The following KICS2 variants were observed in gnomAD, a reference collection of about 807,000 sequenced individuals.
KICS2 encodes the protein KICSTOR subunit 2.
A neutral mutation model predicts 31.4 loss-of-function variants in KICS2; 13 were observed. The observed-to-expected ratio is 0.41, with a 90% CI of 0.27 to 0.66. The LOEUF is 0.66. KICS2 is among the 30% of genes least tolerant of loss of function. The pLI is 0.28. For synonymous variants in KICS2, 209 were observed against 214.8 expected, an observed-to-expected ratio of 0.97 and a Z score of 0.24; for missense variants, 455 against 545.4, an observed-to-expected ratio of 0.83 and a Z score of 1.65.
At chr12:64,202,054 C>G (rs543482115) in intron 2 of KICS2, among the ~76,000 whole-genome samples, 1 of 152,186 alleles carries the variant, frequency 6.6e-6, no homozygotes, top group East Asian at 1.9e-4. Context: ...AATTATACTA[C>G]AAGGAGTACA....
At position 64,193,640 on chromosome 12, in the gene KICS2, A is replaced by T; in HGVS notation, c.*202T>A. On this transcript the variant is annotated 3_prime_UTR_variant, in exon 3 of 3. Transcript: ENST00000398055. ...CCATGGAGACACATGGTAGCCCATGACCACTTCCTAGATTACTCTTTGGAA... is the reference window on the plus strand; with the variant it reads ...CCATGGAGACACATGGTAGCCCATGTCCACTTCCTAGATTACTCTTTGGAA... The T allele has an allele frequency of 1.4e-6, 2 of 1,402,806 alleles. No individual in the cohort carries two copies. The highest frequency in any genetic ancestry group is 1.8e-6 in the Non-Finnish European group (2 of 1,083,340). The allele number at this position is 1,402,806 out of a possible 1,614,324, so 86.9% of individuals were successfully genotyped here. A position where few individuals can be genotyped will look rare whatever the true frequency, so the allele number is the denominator to read the frequency against.
chr12:64,197,135 A>G (rs1269370773), intron 2 of KICS2, among the ~76,000 whole-genome samples: 1 of 114,088 alleles, frequency 8.8e-6, no homozygotes, highest in Non-Finnish European at 1.8e-5. Flanking sequence ...AGCAACTCCA[A>G]GACACATAAT....
rs921284974 is a variant in KICS2, at chr12:64,215,664, C to A, written c.521+14G>T. 6.2e-7 allele frequency: 1 copy of A among 1,602,542 alleles called. No individual in the cohort carries two copies. The highest frequency in any genetic ancestry group is 1.3e-5 in the African/African-American group (1 of 74,802). On this transcript the variant is annotated intron_variant, in intron 2 of 2. Coordinates refer to ENST00000398055, the MANE Select transcript of KICS2 (RefSeq NM_152440.5). ...GACAGCCACGCTTTCTCCCTCCCTC[C>A]TCCCCACACTGACCTGGAGCTGTAT...
intron 1 of KICS2, among the ~76,000 whole-genome samples, chr12:64,217,377 T>C (rs761451292): frequency 9.2e-5 from 14 of 152,030 alleles, no homozygotes; most frequent in Non-Finnish European, 1.8e-4. Context: ...CCAGGGGTGT[T>C]CAATCTTTTG....
intron 2 of KICS2, among the ~76,000 whole-genome samples, chr12:64,195,214 C>A (rs770819747): frequency 3.3e-5 from 5 of 152,168 alleles, no homozygotes; most frequent in Non-Finnish European, 5.9e-5. Context: ...CATGCCTGGC[C>A]TAAATTAGGT....
intron 1 of KICS2, 45 bp from the exon 2 acceptor site, chr12:64,216,008 A>G (rs747760105): frequency 6.4e-7 from 1 of 1,554,920 alleles, no homozygotes; most frequent in South Asian, 1.2e-5. Context: ...AGAAGGAGAA[A>G]CCGTAAGTAC....
chr12:64,188,732 C>T (rs947666389), downstream of KICS2, among the ~76,000 whole-genome samples: 1 of 152,146 alleles, frequency 6.6e-6, no homozygotes, highest in Non-Finnish European at 1.5e-5. Context: ...GAGAAAACGG[C>T]TGCTTTATTT....
intron 2 of KICS2, among the ~76,000 whole-genome samples, chr12:64,203,710 A>G (rs1305676799): frequency 6.6e-6 from 1 of 152,226 alleles, no homozygotes; most frequent in Admixed American, 6.5e-5. Flanking sequence ...AAAAAAATCT[A>G]TTTAAGTACT....
At position 64,194,153 on chromosome 12, in the gene KICS2, C is replaced by T; in HGVS notation, c.1027G>A (p.Val343Met). 1 of 1,614,162 alleles carries T rather than the reference C, an allele frequency of 6.2e-7. No individual in the cohort carries two copies. Among genetic ancestry groups the T allele is most frequent in the Non-Finnish European group, 8.5e-7 (1 of 1,180,036 alleles). ...GACACTACAGCTGGATACTGGTCCA[C>T]ACCCTTGGGGGCCTCTCTGTAGGAA... ...PHSYREAPKG[V>M]DQYPAVVSLP... Residue 343 changes from valine to methionine, a missense_variant, in exon 3 of 3, where the codon GTG (valine) becomes ATG (methionine). Val to Met is a conservative substitution (Grantham distance 21, BLOSUM62 1). Transcript: ENST00000398055.
chr12:64,217,755 C>T (rs180675505), intron 1 of KICS2, among the ~76,000 whole-genome samples: 89 of 151,280 alleles, frequency 5.9e-4, no homozygotes, highest in Non-Finnish European at 9.9e-4. Context: ...GAGCCGAAAT[C>T]GTGCCACTGC....
At position 64,222,166 on chromosome 12, in the gene KICS2, G is replaced by A. The variant is rs745767177; in HGVS notation, c.72C>T (p.His24=). 1 of 1,614,122 alleles carries A rather than the reference G, an allele frequency of 6.2e-7. No individual in the cohort carries two copies. Among genetic ancestry groups the A allele is most frequent in the Non-Finnish European group, 8.5e-7 (1 of 1,179,962 alleles). The change falls in exon 1 of 3, where the codon CAC becomes CAT. Residue 24 remains histidine (H), a synonymous_variant. Coordinates refer to ENST00000398055, the MANE Select transcript of KICS2 (RefSeq NM_152440.5). ...CCTTGTCGTAAGAGAAGATACCCAG[G>A]TGAGAGAAGAACGTCTCCAGCACCG... ...EQAVLETFFS[H]LGIFSYDKAK...
intron 2 of KICS2, among the ~76,000 whole-genome samples, chr12:64,201,887 T>C (rs973231957): frequency 6.6e-6 from 1 of 151,894 alleles, no homozygotes; most frequent in Non-Finnish European, 1.5e-5. Flanking sequence ...CAATAAGAAA[T>C]AGCTAACACT....
chr12:64,213,531 T>G lies in KICS2; in HGVS notation c.521+2147A>C, dbSNP rs78615684. 2.1e-4 allele frequency among the ~76,000 whole-genome samples: 32 copies of G among 152,332 alleles called. No homozygotes were observed. The East Asian group carries it at 6.2e-3, about 29-fold the overall frequency. ...CACACAGTAGTTGCTCAATACATGC[T>G]AATTTCCTTCAGAATAGGTATATAT... is the stretch of plus-strand genomic sequence containing the variant. On this transcript the variant is annotated intron_variant, in intron 2 of 2. Coordinates refer to ENST00000398055, the MANE Select transcript of KICS2 (RefSeq NM_152440.5).
intron 2 of KICS2, among the ~76,000 whole-genome samples, chr12:64,197,587 T>C (rs557014746): frequency 1.3e-5 from 2 of 150,622 alleles, no homozygotes; most frequent in African/African-American, 4.9e-5. Context: ...CAGGATCAAA[T>C]GCACACATAA....
chr12:64,190,017 C>T (rs1329146328), downstream of KICS2, among the ~76,000 whole-genome samples: 2 of 151,992 alleles, frequency 1.3e-5, no homozygotes, highest in African/African-American at 4.8e-5. Context: ...ATGCTATCAA[C>T]CAACCATAAA....
intron 1 of KICS2, among the ~76,000 whole-genome samples, chr12:64,216,834 G>C (rs2037633673): frequency 6.6e-6 from 1 of 152,090 alleles, no homozygotes; most frequent in Non-Finnish European, 1.5e-5. Flanking sequence ...CTTCATGGAT[G>C]TTCCCTTAAG....
Position 64,192,918 on chromosome 12 carries a change from G to A in KICS2, c.*924C>T. 1.0e-6 allele frequency: 1 copy of A among 985,428 alleles called. No individual in the cohort carries two copies. The highest frequency in any genetic ancestry group is 1.2e-6 in the Non-Finnish European group (1 of 829,934). The allele number at this position is 985,428 out of a possible 1,614,324, so 61.0% of individuals were successfully genotyped here. The stretch of plus-strand genomic sequence containing the variant: ...ATTTTTAGCAAGTACAGCGTATGAA[G>A]ACCTTCATTTTGATTTTATAAAAGT... On this transcript the variant is annotated 3_prime_UTR_variant, in exon 3 of 3. Transcript: ENST00000398055.
intron 2 of KICS2, 45 bp from the exon 3 acceptor site, chr12:64,194,703 C>G: frequency 6.5e-7 from 1 of 1,533,364 alleles, no homozygotes; most frequent in Middle Eastern, 1.9e-4. Flanking sequence ...TGTTACTTCA[C>G]TTGCCACACT....
At chr12:64,218,667 T>C (rs1422535920) in intron 1 of KICS2, among the ~76,000 whole-genome samples, 1 of 151,716 alleles carries the variant, frequency 6.6e-6, no homozygotes, top group Non-Finnish European at 1.5e-5. Context: ...TAACTTCACA[T>C]TGAAAAAGGG....
Sources: allele counts gnomAD v4.1 joint callset (sites outside exome capture counted in the v4.1 genomes callset), GRCh38; gene constraint gnomAD v4.1.1; transcripts MANE v1.5; gene names NCBI Gene and HGNC (gene_info 2026-07-23, HGNC 2026-07-21).